The following FAM81A variants were observed in gnomAD, a reference collection of about 807,000 sequenced individuals.
FAM81A encodes the protein protein FAM81A.
Under a neutral mutation model 46.7 loss-of-function variants are expected in FAM81A, and 19 were observed. That is an observed-to-expected ratio of 0.41 (90% CI 0.28 to 0.60). The LOEUF (loss-of-function observed/expected upper bound fraction) is 0.60. Among genes scored for constraint, FAM81A ranks in the 20% least tolerant of loss-of-function variants. The pLI is 0.34. For missense variants in FAM81A, 377 were observed against 453.5 expected (o/e 0.83, Z 1.53); for synonymous variants, 183 against 152.9 (o/e 1.20, Z -1.45).
intron 3 of FAM81A, among the ~76,000 whole-genome samples, chr15:59,479,303 G>T (rs2081815661): frequency 6.6e-6 from 1 of 152,044 alleles, no homozygotes; most frequent in Admixed American, 6.6e-5. Context: ...ACGAGGTCAG[G>T]AGTTCAAGAC....
intron 2 of FAM81A, among the ~76,000 whole-genome samples, chr15:59,419,151 G>A (rs548813721): frequency 1.3e-5 from 2 of 152,230 alleles, no homozygotes; most frequent in South Asian, 4.2e-4. Context: ...AACACAGTAG[G>A]CACGCCCATA....
Position 59,402,009 on chromosome 15 carries a change from A to T in FAM81A, c.-160-267A>T, listed in dbSNP as rs116360542. On this transcript the variant is annotated intron_variant, in intron 1 of 4. Transcript: ENST00000558348. ...AATATATTTGTTCTGTGGCATGTTG[A>T]CGCCGCAGAGCTGCCAGGAGCAGCC... The T allele has an allele frequency of 1.1e-3, 659 of 627,190 alleles. 7 individuals are homozygous for T. The African/African-American group carries it at 0.011, about 11-fold the overall frequency. 38.9% of individuals were successfully genotyped at this position (627,190 alleles called of 1,614,324 possible).
At chr15:59,404,698 C>T (rs1476208209) in intron 2 of FAM81A, among the ~76,000 whole-genome samples, 1 of 152,134 alleles carries the variant, frequency 6.6e-6, no homozygotes, top group African/African-American at 2.4e-5. Flanking sequence ...CTCAAGTGGT[C>T]CTCCCACCTT....
At chr15:59,403,707 G>C (rs1188895385) in intron 2 of FAM81A, among the ~76,000 whole-genome samples, 1 of 151,946 alleles carries the variant, frequency 6.6e-6, no homozygotes, top group Non-Finnish European at 1.5e-5. Flanking sequence ...GAGTTGAAGA[G>C]ATGTTTTAAA....
At chr15:59,421,817 A>C (rs2141553097) in intron 2 of FAM81A, among the ~76,000 whole-genome samples, 1 of 151,636 alleles carries the variant, frequency 6.6e-6, no homozygotes, top group Non-Finnish European at 1.5e-5. Flanking sequence ...CTACCAAAAA[A>C]GCATTGAGGT....
intron 3 of FAM81A, among the ~76,000 whole-genome samples, chr15:59,487,477 GT>G (rs1240746532): frequency 6.6e-6 from 1 of 151,272 alleles, no homozygotes; most frequent in African/African-American, 2.4e-5. Flanking sequence ...AAAAAGTTGG[GT>G]TTTTGAAAAG....
chr15:59,475,576 C>G (rs975132723), intron 3 of FAM81A, among the ~76,000 whole-genome samples: 2 of 152,200 alleles, frequency 1.3e-5, no homozygotes, highest in African/African-American at 4.8e-5. Flanking sequence ...CCAGACAGCA[C>G]TCTTTTATAT....
In FAM81A at chr15:59,492,131, G is replaced by T; in HGVS notation, c.295-140G>T. ...AGGCCCCCTAGTTCTCTGTTTAAGT[G>T]TGCCTTAGGTGACTGTTGAAAAGGA... On this transcript the variant is annotated intron_variant, in intron 3 of 8. Transcript: ENST00000288228. The T allele has an allele frequency of 1.6e-6, 1 of 629,648 alleles. No individual in the cohort carries two copies. The allele number at this position is 629,648 out of a possible 1,614,324, so 39.0% of individuals were successfully genotyped here. A position where few individuals can be genotyped will look rare whatever the true frequency, so the allele number is the denominator to read the frequency against.
At chr15:59,486,443 A>T (rs2141732196) in intron 3 of FAM81A, among the ~76,000 whole-genome samples, 1 of 152,288 alleles carries the variant, frequency 6.6e-6, no homozygotes, top group African/African-American at 2.4e-5. Context: ...TTTTAAGAGG[A>T]GGTAGAGAGA....
intron 5 of FAM81A, among the ~76,000 whole-genome samples, chr15:59,508,548 A>G (rs553201769): frequency 1.3e-5 from 2 of 152,326 alleles, no homozygotes; most frequent in African/African-American, 4.8e-5. Context: ...AGAAATTCCA[A>G]GGTAAGGTTG....
At chr15:59,456,026 G>A (rs1015431277) in intron 1 of FAM81A, among the ~76,000 whole-genome samples, 8 of 152,188 alleles carry the variant, frequency 5.3e-5, no homozygotes, top group South Asian at 2.1e-4. Flanking sequence ...TGTAAGGAGC[G>A]TGTCATTTAG....
intron 4 of FAM81A, among the ~76,000 whole-genome samples, chr15:59,495,803 T>C (rs1438161087): frequency 1.3e-5 from 2 of 152,248 alleles, no homozygotes; most frequent in African/African-American, 4.8e-5. Flanking sequence ...TTGCTCGTCA[T>C]TGGCATATCT....
At position 59,459,830 on chromosome 15, in the gene FAM81A, A is replaced by C. The variant is rs1293487034; in HGVS notation, c.21-103A>C. On this transcript the variant is annotated intron_variant, in intron 2 of 8. Coordinates refer to ENST00000288228, the MANE Select transcript of FAM81A (RefSeq NM_152450.3). ...CTGCCTCAAACCCTATTTAGCTTGT[A>C]GTTATAGATAATTTGTATTTCCAGA... is the stretch of plus-strand genomic sequence containing the variant. 2.1e-6 allele frequency: 3 copies of C among 1,411,466 alleles called. No homozygotes were observed. In the African/African-American group the frequency reaches 4.3e-5, roughly 20 times the overall value. The allele number at this position is 1,411,466 out of a possible 1,614,324, so 87.4% of individuals were successfully genotyped here. A position where few individuals can be genotyped will look rare whatever the true frequency, so the allele number is the denominator to read the frequency against.
chr15:59,444,215 A>G (rs552601930), intron 1 of FAM81A: 1 of 152,332 alleles, frequency 6.6e-6, no homozygotes, highest in African/African-American at 2.4e-5. Context: ...ATTTGATGAA[A>G]TCATTAAGCA....
upstream of FAM81A, among the ~76,000 whole-genome samples, chr15:59,434,060 G>T (rs1596468516): frequency 6.6e-6 from 1 of 152,146 alleles, no homozygotes; most frequent in Non-Finnish European, 1.5e-5. Context: ...TCGCCATGTT[G>T]GCCAGGCTGG....
intron 8 of FAM81A, among the ~76,000 whole-genome samples, chr15:59,517,492 C>A (rs1378736185): frequency 6.6e-6 from 1 of 152,138 alleles, no homozygotes; most frequent in Non-Finnish European, 1.5e-5. Context: ...CTCTTTGTTA[C>A]AGAAAATATT....
intron 1 of FAM81A, among the ~76,000 whole-genome samples, chr15:59,457,374 G>C (rs2141633554): frequency 6.6e-6 from 1 of 152,326 alleles, no homozygotes; most frequent in African/African-American, 2.4e-5. Context: ...TTGGGGTATT[G>C]CAGTGCTTGT....
intron 6 of FAM81A, 95 bp from the exon 7 acceptor site, chr15:59,514,194 A>G: frequency 1.6e-6 from 2 of 1,288,914 alleles, no homozygotes; most frequent in Non-Finnish European, 2.1e-6. Context: ...CCTGTGTAAC[A>G]AATCTGTATA....
At chr15:59,425,255 C>T (rs8037050) in intron 2 of FAM81A, among the ~76,000 whole-genome samples, 2,972 of 152,184 alleles carry the variant, frequency 0.02, 97 homozygotes, top group African/African-American at 0.069. Context: ...AGTCTAGGTG[C>T]TTGATGGATG....
Sources: gnomAD v4.1 joint callset for allele counts (sites outside exome capture counted in the v4.1 genomes callset) on GRCh38, gnomAD v4.1.1 for gene constraint, MANE v1.5 for transcripts, NCBI Gene and HGNC (gene_info 2026-07-23, HGNC 2026-07-21) for gene names.